CAST: variants seen among roughly 807,000 people sequenced by gnomAD.
CAST encodes calpastatin.
A neutral mutation model predicts 119.6 loss-of-function variants in CAST; 76 were observed. The observed-to-expected ratio is 0.64, with a 90% CI of 0.53 to 0.77. The LOEUF is 0.77. Ranked by LOEUF, CAST falls within the 30% of genes least tolerant of loss-of-function variation. The pLI, the probability that CAST is intolerant of heterozygous loss-of-function variation, is 0.00. For missense variants in CAST, 953 were observed against 946.5 expected (o/e 1.01, Z -0.09); for synonymous variants, 319 against 331.6 (o/e 0.96, Z 0.41).
chr5:96,230,778 A>G, the CAST span, among the ~76,000 whole-genome samples: 40 of 152,190 alleles, frequency 2.6e-4, no homozygotes, highest in African/African-American at 9.2e-4. Context: ...AACCCATATA[A>G]AGAACTCCTA....
chr5:96,293,083 A>G, the CAST span, among the ~76,000 whole-genome samples: 1 of 152,178 alleles, frequency 6.6e-6, no homozygotes, highest in Admixed American at 6.5e-5. Context: ...CAACCCTGTC[A>G]TGTTGCACAA....
the CAST span, among the ~76,000 whole-genome samples, chr5:96,401,561 A>G: frequency 6.6e-6 from 1 of 152,362 alleles, no homozygotes; most frequent in South Asian, 2.1e-4. Context: ...AAGATAAATC[A>G]GAGATATAAG....
At chr5:96,466,302 G>A in the CAST span, among the ~76,000 whole-genome samples, 22 of 152,104 alleles carry the variant, frequency 1.4e-4, no homozygotes, top group African/African-American at 4.8e-4. Flanking sequence ...ATTTGTTCAC[G>A]TTTTTATTCC....
the CAST span, among the ~76,000 whole-genome samples, chr5:96,067,666 C>T: frequency 3.3e-5 from 5 of 152,130 alleles, no homozygotes; most frequent in African/African-American, 1.2e-4. Context: ...TAATAACTGA[C>T]AATCAGCCTC....
chr5:96,283,129 C>CA, the CAST span, among the ~76,000 whole-genome samples: 48 of 24,246 alleles, frequency 2.0e-3, no homozygotes, highest in East Asian at 3.5e-3. Flanking sequence ...GACTCCGTCT[C>CA]AAAAAAAAAA....
intron 1 of CAST, among the ~76,000 whole-genome samples, chr5:96,666,526 A>G (rs553967838): frequency 2.2e-3 from 331 of 152,334 alleles, no homozygotes; most frequent in Non-Finnish European, 3.9e-3. Context: ...GAATGTTGCA[A>G]GCCTTCCATG....
At chr5:96,411,978 A>G in the CAST span, among the ~76,000 whole-genome samples, 1 of 152,084 alleles carries the variant, frequency 6.6e-6, no homozygotes. Flanking sequence ...CCACAGTTTC[A>G]CTGTCTAAAC....
chr5:96,269,608 A>G, the CAST span, among the ~76,000 whole-genome samples: 5 of 152,192 alleles, frequency 3.3e-5, no homozygotes, highest in African/African-American at 1.2e-4. Context: ...CACAGACAAT[A>G]ATTAGAGACT....
chr5:96,172,521 G>A, the CAST span, among the ~76,000 whole-genome samples: 1 of 152,218 alleles, frequency 6.6e-6, no homozygotes, highest in African/African-American at 2.4e-5. Flanking sequence ...ATAATATGCA[G>A]TTTGTCTAAA....
chr5:96,248,207 G>T, the CAST span, among the ~76,000 whole-genome samples: 1 of 151,962 alleles, frequency 6.6e-6, no homozygotes, highest in East Asian at 1.9e-4. Context: ...TTTGCTCTTT[G>T]TCCCTCTTGG....
chr5:96,400,856 G>GA, the CAST span, among the ~76,000 whole-genome samples: 49,132 of 150,848 alleles, frequency 0.33, 8,533 homozygotes, highest in African/African-American at 0.48. Flanking sequence ...GGGAGGCCGA[G>GA]GCGGGCGGAT....
intron 1 of CAST, among the ~76,000 whole-genome samples, chr5:96,654,191 A>AT (rs1023564926): frequency 6.6e-6 from 1 of 150,926 alleles, no homozygotes; most frequent in Non-Finnish European, 1.5e-5. Flanking sequence ...GCCTGGCTAA[A>AT]TTTTTTTGTA....
At chr5:96,675,734 T>C (rs779579585) in intron 2 of CAST, 133 bp downstream of exon 2, 5 of 645,732 alleles carry the variant, frequency 7.7e-6, no homozygotes, top group Non-Finnish European at 1.3e-5. Flanking sequence ...TTAACCAAGA[T>C]TTGGTTCAAG....
chr5:96,479,545 G>A, the CAST span, among the ~76,000 whole-genome samples: 2 of 151,348 alleles, frequency 1.3e-5, no homozygotes, highest in East Asian at 3.9e-4. Context: ...TGCCTCCCAG[G>A]TTCAAGCGAT....
chr5:96,321,334 T>G, the CAST span, among the ~76,000 whole-genome samples: 1 of 152,330 alleles, frequency 6.6e-6, no homozygotes, highest in East Asian at 1.9e-4. Context: ...AGACATTGAC[T>G]GGTGTCTCCT....
the CAST span, among the ~76,000 whole-genome samples, chr5:96,298,993 A>C: frequency 6.6e-6 from 1 of 151,958 alleles, no homozygotes; most frequent in African/African-American, 2.4e-5. Flanking sequence ...TAATCCCAGC[A>C]CTTTGGGAGG....
the CAST span, among the ~76,000 whole-genome samples, chr5:96,409,507 G>A: frequency 1.3e-5 from 2 of 152,310 alleles, no homozygotes; most frequent in Admixed American, 6.5e-5. Context: ...GAATCCACCA[G>A]CTGTCTCTCC....
At chr5:96,761,496 T>C (rs1767942641) in intron 24 of CAST, 1 of 152,250 alleles carries the variant, frequency 6.6e-6, no homozygotes, top group African/African-American at 2.4e-5. Context: ...TGTTGGTATC[T>C]TTTTAATGTG....
At chr5:96,519,116 A>T in the CAST span, among the ~76,000 whole-genome samples, 10 of 152,314 alleles carry the variant, frequency 6.6e-5, 1 homozygote, top group South Asian at 2.1e-3. Context: ...ATGTCCTTTG[A>T]TTCAAATTTT....
Sources: gnomAD v4.1 joint callset for allele counts (sites outside exome capture counted in the v4.1 genomes callset) on GRCh38, gnomAD v4.1.1 for gene constraint, MANE v1.5 for transcripts, NCBI Gene and HGNC (gene_info 2026-07-23, HGNC 2026-07-21) for gene names.